TNS1: variants seen among roughly 807,000 people sequenced by gnomAD.
TNS1 encodes tensin-1.
A neutral mutation model predicts 168.6 loss-of-function variants in TNS1; 62 were observed. The observed-to-expected ratio is 0.37, with a 90% CI of 0.30 to 0.45. The LOEUF (loss-of-function observed/expected upper bound fraction) is 0.45, where lower values mean the gene tolerates loss of function less well. Ranked by LOEUF, TNS1 falls within the 20% of genes least tolerant of loss-of-function variation. The probability of loss-of-function intolerance (pLI) is 1.00; values close to 1 mark genes in which losing one functional copy is unlikely to be tolerated. For missense variants in TNS1, 2,240 were observed against 2,339.4 expected, an observed-to-expected ratio of 0.96 and a Z score of 0.88; for synonymous variants, 934 against 933.2, an observed-to-expected ratio of 1.00 and a Z score of -0.02.
chr2:218,012,178 G>A (rs760753526), upstream of TNS1, among the ~76,000 whole-genome samples: 6 of 152,184 alleles, frequency 3.9e-5, no homozygotes, highest in Non-Finnish European at 5.9e-5. Flanking sequence ...TAAGACATGA[G>A]ACAGAAGGAA....
In TNS1 at chr2:217,945,638, T is replaced by C. The variant is rs574904573; in HGVS notation, c.187-25402A>G. Among the ~76,000 whole-genome samples the C allele has an allele frequency of 6.5e-4, 99 of 152,244 alleles. 1 individual carries two copies. The highest frequency in any genetic ancestry group is 2.1e-3 in the African/African-American group (89 of 41,550). ...ACAGCAGCCTCAATCTGTGAGAGTG[T>C]GGATGCTGTCCACAAATGGCAAGGA... On this transcript the variant is annotated intron_variant, in intron 3 of 32. Transcript: ENST00000682258.
At chr2:217,973,077 G>C (rs1575149291) in intron 3 of TNS1, among the ~76,000 whole-genome samples, 1 of 152,294 alleles carries the variant, frequency 6.6e-6, no homozygotes, top group East Asian at 1.9e-4. Context: ...AGGCAGGCAG[G>C]GTGTGGTGGC....
rs575156255 is a variant in TNS1 at position 217,908,934 on chromosome 2, G to A, written c.229-1683C>T. 6.0e-4 allele frequency among the ~76,000 whole-genome samples: 91 copies of A among 152,172 alleles called. No homozygotes were observed. In the South Asian group the frequency reaches 0.011, roughly 18 times the overall value. On this transcript the variant is annotated intron_variant, in intron 4 of 32. Coordinates refer to ENST00000682258, the MANE Select transcript of TNS1 (RefSeq NM_001387777.1). ...TCTGGAGGAGGAATAATGATGGCAC[G>A]TTCTGCCCTCTCTCAGCTCAGCCCT...
At position 217,961,779 on chromosome 2, in the gene TNS1, G is replaced by C. The variant is rs576673586; in HGVS notation, c.186+16986C>G. ...GAAAAGAACTTTTGCTGAGTGTGAT[G>C]ATGAGTTCTCTGTATCAACTTGACT... On this transcript the variant is annotated intron_variant, in intron 3 of 32. Transcript: ENST00000682258. 3.3e-5 allele frequency among the ~76,000 whole-genome samples: 5 copies of C among 152,266 alleles called. No individual in the cohort carries two copies. The South Asian group carries it at 8.3e-4, about 25-fold the overall frequency.
At chr2:218,016,690 C>T (rs1958764251) in intron 1 of TNS1, among the ~76,000 whole-genome samples, 1 of 152,154 alleles carries the variant, frequency 6.6e-6, no homozygotes, top group South Asian at 2.1e-4. Context: ...CAGATGAGGA[C>T]AGGAGGAAGG....
intron 3 of TNS1, among the ~76,000 whole-genome samples, chr2:217,943,663 T>A (rs1428679297): frequency 1.3e-5 from 2 of 152,212 alleles, no homozygotes; most frequent in Non-Finnish European, 2.9e-5. Flanking sequence ...CTGACAAGGT[T>A]GGCCTCTGAA....
chr2:217,892,003 T>A (rs1359346220), intron 11 of TNS1, among the ~76,000 whole-genome samples: 24 of 152,276 alleles, frequency 1.6e-4, no homozygotes, highest in Admixed American at 1.6e-3. Flanking sequence ...TGTATTTGTT[T>A]ATGTGTTTAA....
chr2:217,997,328 G>A (rs977970203), intron 1 of TNS1, among the ~76,000 whole-genome samples: 7 of 152,060 alleles, frequency 4.6e-5, no homozygotes, highest in African/African-American at 9.7e-5. Flanking sequence ...CATGAGAGCC[G>A]GGGCATTGTT....
intron 3 of TNS1, among the ~76,000 whole-genome samples, chr2:217,940,114 C>G (rs1956837282): frequency 6.6e-6 from 1 of 152,226 alleles, no homozygotes; most frequent in African/African-American, 2.4e-5. Context: ...GCCCACACCT[C>G]TGCATGCCTA....
chr2:217,881,033 G>A lies in TNS1; in HGVS notation c.1313-19C>T, dbSNP rs1233981500. ...TCCATGCCTAAGTGGGATGGGAAAGGCAGCGGCAGTCGGGGAGACAGTGCA... is the reference window on the plus strand; with the variant it reads ...TCCATGCCTAAGTGGGATGGGAAAGACAGCGGCAGTCGGGGAGACAGTGCA... On this transcript the variant is annotated intron_variant, in intron 17 of 32. Coordinates refer to ENST00000682258, the MANE Select transcript of TNS1 (RefSeq NM_001387777.1). 6.4e-7 allele frequency: 1 copy of A among 1,569,618 alleles called. No homozygotes were observed. Among genetic ancestry groups the A allele is most frequent in the East Asian group, 2.2e-5 (1 of 44,668 alleles).
intron 2 of TNS1, among the ~76,000 whole-genome samples, chr2:217,989,955 G>A (rs73080364): frequency 0.046 from 6,255 of 136,066 alleles, 335 homozygotes; most frequent in African/African-American, 0.15. Flanking sequence ...TCATCCTCAC[G>A]CCATCCACAC....
intron 1 of TNS1, among the ~76,000 whole-genome samples, chr2:218,029,115 C>G (rs1958871790): frequency 6.6e-6 from 1 of 152,232 alleles, no homozygotes; most frequent in Admixed American, 6.5e-5. Context: ...CAGGCCTGCC[C>G]CCAGAGAGTG....
intron 3 of TNS1, among the ~76,000 whole-genome samples, chr2:217,971,692 G>A (rs1957776858): frequency 1.3e-5 from 2 of 152,104 alleles, no homozygotes; most frequent in Admixed American, 6.5e-5. Flanking sequence ...CCCACCACTG[G>A]TTACCACTTT....
In TNS1 at chr2:217,813,536, C is replaced by T. The variant is rs1941353139; in HGVS notation, c.4861+149G>A. On this transcript the variant is annotated intron_variant, in intron 26 of 32. Transcript: ENST00000682258. This position sits in a 1 kb window ranked among gnomAD's most constrained non-coding sequence, Gnocchi z 4.0. ...GTCCTGCTTTCCCAATCTCTGACCT[C>T]AACCATCACCAAGCCCAAGACACCC... 1 of 1,255,464 alleles carries T rather than the reference C, an allele frequency of 8.0e-7. No individual in the cohort carries two copies. Among genetic ancestry groups the T allele is most frequent in the Admixed American group, 2.6e-5 (1 of 38,738 alleles). 77.8% of individuals were successfully genotyped at this position (1,255,464 alleles called of 1,614,324 possible). A position where few individuals can be genotyped will look rare whatever the true frequency, so the allele number is the denominator to read the frequency against.
intron 6 of TNS1, among the ~76,000 whole-genome samples, chr2:217,903,427 A>G (rs968398552): frequency 9.9e-5 from 15 of 152,118 alleles, no homozygotes; most frequent in African/African-American, 3.4e-4. Context: ...AACCTTATAA[A>G]AAGGAAAATA....
At position 217,939,394 on chromosome 2, in the gene TNS1, G is replaced by A. The variant is rs544137057; in HGVS notation, c.187-19158C>T. On this transcript the variant is annotated intron_variant, in intron 3 of 32. Coordinates refer to ENST00000682258, the MANE Select transcript of TNS1 (RefSeq NM_001387777.1). ...CATTAGCCAGCCATCCATGTTGAGC[G>A]GCACTCTGCCAAGCACAGCAAGGAT... 2.2e-3 allele frequency among the ~76,000 whole-genome samples: 331 copies of A among 152,296 alleles called. 1 individual carries two copies. The highest frequency in any genetic ancestry group is 3.3e-3 in the Non-Finnish European group (223 of 68,028).
At chr2:217,847,368 C>G (rs1001030681) in intron 19 of TNS1, 142 bp downstream of exon 19, 2 of 742,704 alleles carry the variant, frequency 2.7e-6, no homozygotes, top group South Asian at 1.0e-4. Context: ...GAAGGGATAA[C>G]TGGCTAGCAT....
chr2:217,838,300 C>T (rs1945446383), intron 19 of TNS1, among the ~76,000 whole-genome samples: 1 of 152,226 alleles, frequency 6.6e-6, no homozygotes, highest in African/African-American at 2.4e-5. Context: ...ACATTCTGCC[C>T]AACCTTCCCA....
chr2:217,886,683 T>A lies in TNS1; in HGVS notation c.867-37A>T, dbSNP rs757698103. 1.0e-5 allele frequency: 15 copies of A among 1,444,324 alleles called. No individual in the cohort carries two copies. In the Admixed American group the frequency reaches 2.0e-4, roughly 19 times the overall value. The allele number at this position is 1,444,324 out of a possible 1,614,324, so 89.5% of individuals were successfully genotyped here. ...GGAGAAGCAGCTTCAGGGAGTGAGG[T>A]GGGTACTGGTGCAGTAATCCCTGTT... is the stretch of plus-strand genomic sequence containing the variant. On this transcript the variant is annotated intron_variant, in intron 12 of 32. Coordinates refer to ENST00000682258, the MANE Select transcript of TNS1 (RefSeq NM_001387777.1).
Sources: gnomAD v4.1 joint callset for allele counts (sites outside exome capture counted in the v4.1 genomes callset) on GRCh38, gnomAD v4.1.1 for gene constraint, Gnocchi (gnomAD v3.1) non-coding constraint, MANE v1.5 for transcripts, NCBI Gene and HGNC (gene_info 2026-07-23, HGNC 2026-07-21) for gene names.